DNAJC2: variants seen among roughly 807,000 people sequenced by gnomAD.
The protein encoded by DNAJC2 is dnaJ homolog subfamily C member 2.
Under a neutral mutation model 94.0 loss-of-function variants are expected in DNAJC2, and 32 were observed. The observed-to-expected ratio is 0.34, with a 90% CI of 0.26 to 0.46. DNAJC2 has a LOEUF of 0.46. Ranked by LOEUF, DNAJC2 falls within the 20% of genes least tolerant of loss-of-function variation. The pLI, the probability that DNAJC2 is intolerant of heterozygous loss-of-function variation, is 1.00. For missense variants in DNAJC2, 550 were observed against 719.5 expected (o/e 0.76, Z 2.69); for synonymous variants, 210 against 229.7 (o/e 0.91, Z 0.77).
chr7:103,315,471 G>A (rs762670882), intron 15 of DNAJC2, among the ~76,000 whole-genome samples: 4 of 151,914 alleles, frequency 2.6e-5, no homozygotes, highest in Non-Finnish European at 5.9e-5. Flanking sequence ...CAATTATCCC[G>A]ATATAACACT....
Position 103,312,337 on chromosome 7 carries a change from T to A in DNAJC2, c.*232A>T. 1.3e-6 allele frequency: 2 copies of A among 1,592,076 alleles called. No individual in the cohort carries two copies. The highest frequency in any genetic ancestry group is 2.2e-5 in the South Asian group (2 of 89,316). On this transcript the variant is annotated 3_prime_UTR_variant, in exon 17 of 17. Transcript: ENST00000379263. ...AAACAGAGCTAGAGAAAAATAAAAA[T>A]GAACATGTATATACATTTGGAAATT...
At chr7:103,319,732 T>A in intron 11 of DNAJC2, 24 bp downstream of exon 11, 1 of 1,614,092 alleles carries the variant, frequency 6.2e-7, no homozygotes, top group Non-Finnish European at 8.5e-7. Context: ...AGTGAAGACT[T>A]CAATAGCAGT....
intron 1 of DNAJC2, chr7:103,344,327 A>G: frequency 1.7e-6 from 1 of 582,000 alleles, no homozygotes; most frequent in Non-Finnish European, 3.1e-6. Flanking sequence ...AGCAGCGGCG[A>G]GAGGAGGAAG....
At chr7:103,324,610 C>A in intron 5 of DNAJC2, 48 bp from the exon 6 acceptor site, 4 of 1,318,058 alleles carry the variant, frequency 3.0e-6, no homozygotes, top group East Asian at 2.7e-5. Context: ...AAATTATGTA[C>A]AACAGTTCAA....
At chr7:103,339,018 T>C (rs1277194667) in intron 2 of DNAJC2, among the ~76,000 whole-genome samples, 1 of 152,094 alleles carries the variant, frequency 6.6e-6, no homozygotes, top group African/African-American at 2.4e-5. Context: ...CTCTGAGAAG[T>C]CCTGTAATTA....
chr7:103,316,661 G>A (rs920190474), intron 13 of DNAJC2, 169 bp downstream of exon 13: 14 of 615,208 alleles, frequency 2.3e-5, no homozygotes, highest in Non-Finnish European at 3.4e-5. Context: ...CTGATGCAAT[G>A]GGTAAGACTG....
chr7:103,335,050 T>G (rs974699021), intron 3 of DNAJC2, among the ~76,000 whole-genome samples: 2 of 152,134 alleles, frequency 1.3e-5, no homozygotes, highest in Non-Finnish European at 1.5e-5. Flanking sequence ...GCCAGGCTGG[T>G]CTCGAACTCC....
rs1003178993 is a variant in DNAJC2, at chr7:103,322,413, C to T, written c.933+98G>A. ...ACAGTAGCACCCAATTCTCTGCTTT[C>T]GAATTATAGTTTTTTTTAAAAAAAG... is the stretch of plus-strand genomic sequence containing the variant. On this transcript the variant is annotated intron_variant, in intron 9 of 16. Coordinates refer to ENST00000379263, the MANE Select transcript of DNAJC2 (RefSeq NM_014377.3). 2.5e-5 allele frequency: 31 copies of T among 1,219,640 alleles called. No individual in the cohort carries two copies. The East Asian group carries it at 2.5e-4, about 10-fold the overall frequency. The allele number at this position is 1,219,640 out of a possible 1,614,324, so 75.6% of individuals were successfully genotyped here. A position where few individuals can be genotyped will look rare whatever the true frequency, so the allele number is the denominator to read the frequency against.
At chr7:103,338,517 G>A (rs946314726) in intron 2 of DNAJC2, among the ~76,000 whole-genome samples, 3 of 151,204 alleles carry the variant, frequency 2.0e-5, no homozygotes, top group Admixed American at 6.6e-5. Flanking sequence ...GGCTGGTCTC[G>A]AACTCCTGAC....
intron 2 of DNAJC2, among the ~76,000 whole-genome samples, chr7:103,339,437 C>T (rs1216467414): frequency 6.6e-6 from 1 of 152,218 alleles, no homozygotes. Flanking sequence ...TTACTATCTT[C>T]TCTCATTTTC....
chr7:103,322,168 AATTAT>A (rs1586081191), intron 9 of DNAJC2, 87 bp from the exon 10 acceptor site: 1 of 1,034,352 alleles, frequency 9.7e-7, no homozygotes, highest in East Asian at 2.8e-5. Flanking sequence ...ACTTTTAATA[AATTAT>A]ATTAGGAAAA....
rs1423747566 is a variant in DNAJC2, at chr7:103,312,320, C to T, written c.*249G>A. 4 of 1,598,336 alleles carry T rather than the reference C, an allele frequency of 2.5e-6. No individual in the cohort carries two copies. The highest frequency in any genetic ancestry group is 3.4e-6 in the Non-Finnish European group (4 of 1,178,150). On this transcript the variant is annotated 3_prime_UTR_variant, in exon 17 of 17. Transcript: ENST00000379263. ...GAACACATGTATTTATAAAACAGAG[C>T]TAGAGAAAAATAAAAATGAACATGT...
intron 13 of DNAJC2, 110 bp downstream of exon 13, chr7:103,316,720 G>A: frequency 2.1e-6 from 2 of 949,596 alleles, no homozygotes; most frequent in African/African-American, 1.6e-5. Flanking sequence ...CTGTGGCACA[G>A]AATTTATCTC....
chr7:103,321,032 T>C (rs1242767366), intron 10 of DNAJC2, among the ~76,000 whole-genome samples: 1 of 148,286 alleles, frequency 6.7e-6, no homozygotes, highest in African/African-American at 2.5e-5. Context: ...ACCCCGTCTC[T>C]ACTAAAAATA....
intron 3 of DNAJC2, among the ~76,000 whole-genome samples, chr7:103,334,498 C>A (rs1025973254): frequency 6.6e-6 from 1 of 151,596 alleles, no homozygotes. Context: ...ACCACTTGAA[C>A]CCTGGAGATG....
At chr7:103,334,794 T>C (rs1349773434) in intron 3 of DNAJC2, among the ~76,000 whole-genome samples, 1 of 152,084 alleles carries the variant, frequency 6.6e-6, no homozygotes, top group Non-Finnish European at 1.5e-5. Flanking sequence ...TATTTCAACA[T>C]ATACTGCAAG....
Position 103,344,572 on chromosome 7 carries a change from G to GTGGGTGATGGCGGTGCCC in DNAJC2, c.33_50dup (p.Thr16_His17insGlnGlyThrAlaIleThr), listed in dbSNP as rs767047025. 6.8e-6 allele frequency: 11 copies of GTGGGTGATGGCGGTGCCC among 1,613,490 alleles called. No individual in the cohort carries two copies. The Admixed American group carries it at 1.5e-4, about 22-fold the overall frequency. On this transcript the variant is annotated inframe_insertion, in exon 1 of 17. Coordinates refer to ENST00000379263, the MANE Select transcript of DNAJC2 (RefSeq NM_014377.3). ...GTGGGCACTTACCAGAGGTCAGAGC[G>GTGGGTGATGGCGGTGCCC]TGGGTGATGGCGGTGCCCCGGCCGT...
chr7:103,328,636 G>A (rs1457138070), intron 3 of DNAJC2, among the ~76,000 whole-genome samples: 1 of 151,814 alleles, frequency 6.6e-6, no homozygotes, highest in Non-Finnish European at 1.5e-5. Flanking sequence ...GTGTCAAAAA[G>A]AAGAAGAAGA....
At chr7:103,316,247 T>C in intron 13 of DNAJC2, 159 bp from the exon 14 acceptor site, 1 of 451,518 alleles carries the variant, frequency 2.2e-6, no homozygotes, top group Non-Finnish European at 3.8e-6. Flanking sequence ...TCCTGTTGCC[T>C]GGACTACGGT....
Sources: gnomAD v4.1 joint callset for allele counts (sites outside exome capture counted in the v4.1 genomes callset) on GRCh38, gnomAD v4.1.1 for gene constraint, MANE v1.5 for transcripts, NCBI Gene and HGNC (gene_info 2026-07-23, HGNC 2026-07-21) for gene names.